Variants in SMG7 observed in about 807,000 individuals in gnomAD.
SMG7 encodes SMG7 nonsense mediated mRNA decay factor.
Under a neutral mutation model 148.2 loss-of-function variants are expected in SMG7, and 34 were observed. That is an observed-to-expected ratio of 0.23 (90% CI 0.17 to 0.31). The LOEUF is 0.31. SMG7 is among the 10% of genes least tolerant of loss of function. The pLI, the probability that SMG7 is intolerant of heterozygous loss-of-function variation, is 1.00. For synonymous variants in SMG7, 492 were observed against 515.1 expected, an observed-to-expected ratio of 0.96 and a Z score of 0.61; for missense variants, 1,114 against 1,408.4, an observed-to-expected ratio of 0.79 and a Z score of 3.35.
Position 183,537,146 on chromosome 1 carries a change from A to G in SMG7, c.1165A>G (p.Ile389Val), listed in dbSNP as rs987069565. The G allele has an allele frequency of 5.6e-6, 9 of 1,610,632 alleles. No homozygotes were observed. The highest frequency in any genetic ancestry group is 1.7e-5 in the Admixed American group (1 of 59,962). ...CTGAACTCTTTCTTTAATTTACAGC[A>G]TTTGGCCCTGGTTGATTTCTCTTCT... ...QEAVVDERQY[I>V]WPWLISLLNS... The change falls in exon 11 of 23, where the codon ATT becomes GTT. Residue 389 changes from isoleucine (I) to valine (V), a missense_variant and splice_region_variant. Physicochemically the swap from Ile to Val is conservative, Grantham distance 29. Around this residue, in one of 4 missense-constraint regions of SMG7, gnomAD observed 102 missense variants for 147.2 expected, o/e 0.69. Transcript: ENST00000688051.
chr1:183,549,301 T>C lies in SMG7; in HGVS notation c.2973+13T>C, dbSNP rs761870000. The C allele has an allele frequency of 1.6e-5, 25 of 1,568,328 alleles. No homozygotes were observed. The Admixed American group carries it at 3.7e-4, about 23-fold the overall frequency. ...CTCTCTCAATCAGGTAGGTGAACAA[T>C]GAAGAATCCTGCTGTGTGCTTTTAG... On this transcript the variant is annotated intron_variant, in intron 19 of 22. Transcript: ENST00000688051.
Position 183,527,723 on chromosome 1 carries a change from G to T in SMG7, c.485-233G>T, listed in dbSNP as rs1370530078. ...GCATGACACTGGAGGACCTGAAAAT[G>T]GGGTCTAGGTAAGCTTTAAAATTGG... On this transcript the variant is annotated intron_variant, in intron 5 of 22. Transcript: ENST00000688051. This position sits in a 1 kb window ranked among gnomAD's most constrained non-coding sequence, Gnocchi z 4.0. 3 of 548,320 alleles carry T rather than the reference G, an allele frequency of 5.5e-6. No individual in the cohort carries two copies. The highest frequency in any genetic ancestry group is 1.1e-5 in the Non-Finnish European group (3 of 277,876). The allele number at this position is 548,320 out of a possible 1,614,324, so 34.0% of individuals were successfully genotyped here.
chr1:183,520,966 C>T (rs1295612444), intron 4 of SMG7, among the ~76,000 whole-genome samples: 1 of 152,016 alleles, frequency 6.6e-6, no homozygotes, highest in Non-Finnish European at 1.5e-5. Context: ...CTGCATTCCA[C>T]AGGCAGTGAT....
chr1:183,549,768 G>T lies in SMG7; in HGVS notation c.2978G>T (p.Arg993Ile). The T allele has an allele frequency of 6.2e-7, 1 of 1,613,320 alleles. No individual in the cohort carries two copies. The highest frequency in any genetic ancestry group is 8.5e-7 in the Non-Finnish European group (1 of 1,179,422). ...SLTGFSLNQERYPNNSMFNEV... is the reference protein window; with the variant it reads ...SLTGFSLNQEIYPNNSMFNEV... ...CTTCACTGTCATGTCTTTCAGGAAA[G>T]ATACCCAAATAATAGTATGTTCAAT... is the stretch of plus-strand genomic sequence containing the variant. Residue 993 changes from arginine to isoleucine, a missense_variant, in exon 20 of 23, where the codon AGA becomes ATA. Around this residue, in one of 4 missense-constraint regions of SMG7, gnomAD observed 788 missense variants for 894.5 expected, o/e 0.88. Transcript: ENST00000688051.
At position 183,553,341 on chromosome 1, in the gene SMG7, A is replaced by G. The variant is rs1044373786; in HGVS notation, c.*1410A>G. 1.3e-5 allele frequency: 12 copies of G among 922,194 alleles called. No homozygotes were observed. The highest frequency in any genetic ancestry group is 6.7e-5 in the African/African-American group (4 of 59,912). The allele number at this position is 922,194 out of a possible 1,614,324, so 57.1% of individuals were successfully genotyped here. A position where few individuals can be genotyped will look rare whatever the true frequency, so the allele number is the denominator to read the frequency against. ...ATTATGGAAACAATCTAATTGTTCA[A>G]TTGCTGTGCTAGTGGTAGGGTTTAT... On this transcript the variant is annotated 3_prime_UTR_variant, in exon 23 of 23. Coordinates refer to ENST00000688051, the MANE Select transcript of SMG7 (RefSeq NM_001375584.1).
chr1:183,522,644 T>C (rs534726901), intron 4 of SMG7, among the ~76,000 whole-genome samples: 1 of 152,318 alleles, frequency 6.6e-6, no homozygotes, highest in East Asian at 1.9e-4. Flanking sequence ...CATCTTATAA[T>C]TTATGGTGTC....
At chr1:183,544,575 T>C in intron 15 of SMG7, 78 bp downstream of exon 15, 1 of 1,469,018 alleles carries the variant, frequency 6.8e-7, no homozygotes, top group Non-Finnish European at 9.4e-7. Flanking sequence ...AAATGTGTTT[T>C]CTGTTGGAGT....
chr1:183,497,264 G>A (rs1183588185), intron 1 of SMG7, among the ~76,000 whole-genome samples: 2 of 152,144 alleles, frequency 1.3e-5, no homozygotes, highest in East Asian at 3.8e-4. Flanking sequence ...GCCCTCAACT[G>A]GAATGGCTGT....
Position 183,552,108 on chromosome 1 carries a change from A to G in SMG7, c.*177A>G. On this transcript the variant is annotated 3_prime_UTR_variant, in exon 23 of 23. Transcript: ENST00000688051. ...GCACGAAATGTTCGCAGTGCAACAA[A>G]AAGAAAAATCCATCAGGAACTCTCC... 3 of 1,299,976 alleles carry G rather than the reference A, an allele frequency of 2.3e-6. No individual in the cohort carries two copies. The highest frequency in any genetic ancestry group is 3.0e-6 in the Non-Finnish European group (3 of 1,013,770). The allele number at this position is 1,299,976 out of a possible 1,614,324, so 80.5% of individuals were successfully genotyped here. A position where few individuals can be genotyped will look rare whatever the true frequency, so the allele number is the denominator to read the frequency against.
At position 183,552,373 on chromosome 1, in the gene SMG7, A is replaced by G. The variant is rs1671208874; in HGVS notation, c.*442A>G. 1.0e-6 allele frequency: 1 copy of G among 985,340 alleles called. No homozygotes were observed. The highest frequency in any genetic ancestry group is 1.2e-6 in the Non-Finnish European group (1 of 832,378). 61.0% of individuals were successfully genotyped at this position (985,340 alleles called of 1,614,324 possible). A position where few individuals can be genotyped will look rare whatever the true frequency, so the allele number is the denominator to read the frequency against. On this transcript the variant is annotated 3_prime_UTR_variant, in exon 23 of 23. Coordinates refer to ENST00000688051, the MANE Select transcript of SMG7 (RefSeq NM_001375584.1). Reference sequence around the variant, plus strand: ...GCTTTGCTGACTGAGAATGTAGTTGAAATTATTCTTAAACATCTTTTATTA... The same window carrying G: ...GCTTTGCTGACTGAGAATGTAGTTGGAATTATTCTTAAACATCTTTTATTA...
chr1:183,526,096 A>G (rs888986654), intron 4 of SMG7, among the ~76,000 whole-genome samples: 1 of 151,356 alleles, frequency 6.6e-6, no homozygotes, highest in Non-Finnish European at 1.5e-5. Context: ...GGTATGATTT[A>G]TAATGAATGA....
At chr1:183,486,884 G>A (rs10911343) in intron 1 of SMG7, among the ~76,000 whole-genome samples, 24,441 of 152,122 alleles carry the variant, frequency 0.16, 2,268 homozygotes, top group African/African-American at 0.27. Context: ...TTTTTTCTTC[G>A]TAGAGATGGG....
chr1:183,473,841 C>T, intron 1 of SMG7: 24 of 985,268 alleles, frequency 2.4e-5, no homozygotes, highest in Non-Finnish European at 2.9e-5. Context: ...GTCACTTTAG[C>T]TGTTTAGTGA....
chr1:183,546,017 G>A lies in SMG7; in HGVS notation c.2422G>A (p.Gly808Ser). ...GCTGTGGAATCCCCCTCAGGTTCAA[G>A]GCCCATTAGGGAAAATTATGCCTGT... is the stretch of plus-strand genomic sequence containing the variant. ...KQLWNPPQVQ[G>S]PLGKIMPVKQ... Residue 808 changes from glycine (G) to serine (S), a missense_variant, in exon 17 of 23, where the codon GGC becomes AGC. Physicochemically the swap from Gly to Ser is moderately conservative, Grantham distance 56. Coordinates refer to ENST00000688051, the MANE Select transcript of SMG7 (RefSeq NM_001375584.1). 3.7e-6 allele frequency: 6 copies of A among 1,613,668 alleles called. No homozygotes were observed. The highest frequency in any genetic ancestry group is 2.2e-5 in the South Asian group (2 of 91,014).
At chr1:183,480,349 T>C (rs900273134) in intron 1 of SMG7, among the ~76,000 whole-genome samples, 2 of 152,170 alleles carry the variant, frequency 1.3e-5, no homozygotes, top group Admixed American at 1.3e-4. Context: ...TGCCCTAACC[T>C]ATGTTTTTCC....
intron 1 of SMG7, chr1:183,502,409 A>G (rs1453564796): frequency 3.9e-6 from 6 of 1,522,660 alleles, no homozygotes; most frequent in Non-Finnish European, 5.3e-6. Flanking sequence ...GAAAATTACA[A>G]GGGATTTCTA....
chr1:183,501,313 A>G (rs1659654969), intron 1 of SMG7: 1 of 152,204 alleles, frequency 6.6e-6, no homozygotes, highest in South Asian at 2.1e-4. Context: ...AAACTGGGGC[A>G]TAGAGAAGTA....
chr1:183,511,940 A>G (rs978754656), intron 1 of SMG7, among the ~76,000 whole-genome samples: 4 of 152,220 alleles, frequency 2.6e-5, no homozygotes, highest in Non-Finnish European at 4.4e-5. Context: ...TTGGAAAGCT[A>G]TGATGCATTT....
intron 13 of SMG7, 83 bp downstream of exon 13, chr1:183,541,186 ACATCT>A: frequency 1.7e-6 from 2 of 1,203,730 alleles, no homozygotes; most frequent in East Asian, 4.8e-5. Context: ...GCACACACAC[ACATCT>A]CATATGTTAC....
Sources: gnomAD v4.1 joint callset for allele counts (sites outside exome capture counted in the v4.1 genomes callset) on GRCh38, gnomAD v4.1.1 for gene constraint, gnomAD v4.1.1 regional missense constraint, Gnocchi (gnomAD v3.1) non-coding constraint, MANE v1.5 for transcripts, NCBI Gene and HGNC (gene_info 2026-07-23, HGNC 2026-07-21) for gene names.